Variants in PHKB observed in about 807,000 individuals in gnomAD.
PHKB encodes phosphorylase b kinase regulatory subunit beta.
A neutral mutation model predicts 152.1 loss-of-function variants in PHKB; 122 were observed. That is an observed-to-expected ratio of 0.80 (90% confidence interval 0.69 to 0.93). PHKB has a LOEUF of 0.93. Ranked by LOEUF, PHKB falls within the 40% of genes least tolerant of loss-of-function variation. The pLI is 0.00. For missense variants in PHKB, 1,304 were observed against 1,328.4 expected (o/e 0.98, Z 0.29); for synonymous variants, 436 against 464.9 (o/e 0.94, Z 0.80).
intron 16 of PHKB, among the ~76,000 whole-genome samples, chr16:47,646,569 T>TAAAAAAAAAAAAAAA (rs1973130387): frequency 9.5e-6 from 1 of 104,794 alleles, no homozygotes; most frequent in Non-Finnish European, 2.0e-5. Flanking sequence ...AATAAAAAAA[T>TAAAAAAAAAAAAAAA]AATAAAAAAA....
chr16:47,593,022 A>G (rs1364855204), intron 10 of PHKB, among the ~76,000 whole-genome samples: 3 of 150,512 alleles, frequency 2.0e-5, no homozygotes, highest in Admixed American at 2.0e-4. Flanking sequence ...AGGCCAAGAT[A>G]AGAGGATCTC....
chr16:47,574,954 C>G (rs1348561110), intron 7 of PHKB, among the ~76,000 whole-genome samples: 2 of 152,180 alleles, frequency 1.3e-5, no homozygotes, highest in Non-Finnish European at 2.9e-5. Flanking sequence ...CATAGAACTT[C>G]CAGTACTATG....
intron 26 of PHKB, among the ~76,000 whole-genome samples, chr16:47,686,770 A>C (rs984309924): frequency 1.0e-3 from 155 of 152,214 alleles, no homozygotes; most frequent in Non-Finnish European, 2.0e-3. Context: ...ATAGTATACT[A>C]TGAAGCAAAT....
chr16:47,473,812 A>G (rs1452416583), intron 1 of PHKB, among the ~76,000 whole-genome samples: 1 of 152,218 alleles, frequency 6.6e-6, no homozygotes, highest in Non-Finnish European at 1.5e-5. Flanking sequence ...ACAGTGTTGG[A>G]TAATTAAATC....
At chr16:47,495,435 T>G (rs1259014175) in intron 1 of PHKB, among the ~76,000 whole-genome samples, 1 of 152,192 alleles carries the variant, frequency 6.6e-6, no homozygotes, top group Non-Finnish European at 1.5e-5. Context: ...CAGCTCTTGG[T>G]GATTTATGTT....
At chr16:47,464,493 G>C (rs1969632992) in intron 1 of PHKB, among the ~76,000 whole-genome samples, 2 of 152,150 alleles carry the variant, frequency 1.3e-5, no homozygotes, top group Non-Finnish European at 2.9e-5. Context: ...TGGCATCCTG[G>C]TGTAAGGGCT....
chr16:47,583,606 G>A (rs1226704739), intron 8 of PHKB, among the ~76,000 whole-genome samples: 1 of 152,058 alleles, frequency 6.6e-6, no homozygotes, highest in Non-Finnish European at 1.5e-5. Flanking sequence ...CTTCTTGGTG[G>A]CAACTCAAGA....
chr16:47,678,163 C>G (rs2142088973), intron 26 of PHKB, among the ~76,000 whole-genome samples: 1 of 152,098 alleles, frequency 6.6e-6, no homozygotes, highest in South Asian at 2.1e-4. Flanking sequence ...TTAATCCAGT[C>G]TATCATTGTT....
chr16:47,661,353 G>A (rs566941906), intron 22 of PHKB, among the ~76,000 whole-genome samples: 2 of 152,278 alleles, frequency 1.3e-5, no homozygotes, highest in South Asian at 4.1e-4. Flanking sequence ...GAATCAAGAA[G>A]GGAGTGGTTA....
chr16:47,570,427 T>A (rs1275266057), intron 7 of PHKB, among the ~76,000 whole-genome samples: 1 of 152,222 alleles, frequency 6.6e-6, no homozygotes, highest in African/African-American at 2.4e-5. Context: ...GATTCTTAGA[T>A]TTGGATGTTT....
At chr16:47,608,598 G>A (rs1972370368) in intron 13 of PHKB, among the ~76,000 whole-genome samples, 1 of 152,140 alleles carries the variant, frequency 6.6e-6, no homozygotes, top group African/African-American at 2.4e-5. Flanking sequence ...TGTAATCCCA[G>A]CTACTCAGGA....
chr16:47,700,162 A>G lies in PHKB; in HGVS notation c.*796A>G, dbSNP rs1187601114. On this transcript the variant is annotated 3_prime_UTR_variant, in exon 31 of 31. Transcript: ENST00000323584. ...TTAGGAGTTCAAGACCAGCCCAGCC[A>G]ACATGGTGAAAACCCTGTCTCTACT... The G allele has an allele frequency of 6.6e-6, 1 of 152,098 alleles. No individual in the cohort carries two copies. The highest frequency in any genetic ancestry group is 1.5e-5 in the Non-Finnish European group (1 of 68,074). The allele number at this position is 152,098 out of a possible 1,614,324, so 9.4% of individuals were successfully genotyped here.
rs187014955 is a variant in PHKB, at chr16:47,546,707, C to T, written c.595-726C>T. 8.5e-5 allele frequency among the ~76,000 whole-genome samples: 13 copies of T among 152,258 alleles called. No individual in the cohort carries two copies. The East Asian group carries it at 2.3e-3, about 27-fold the overall frequency. On this transcript the variant is annotated intron_variant, in intron 6 of 30. Transcript: ENST00000323584. ...GCCTTTTTTTCACCTATGCCATGCC[C>T]CCACAAGTGGAGTCTACAGAAGCAG... is the stretch of plus-strand genomic sequence containing the variant.
At chr16:47,565,651 C>T in intron 7 of PHKB, 1 of 1,181,550 alleles carries the variant, frequency 8.5e-7, no homozygotes, top group Non-Finnish European at 1.3e-6. Context: ...GACTCACTTC[C>T]TGTCCTCGAC....
At chr16:47,598,874 A>G (rs1462672363) in intron 13 of PHKB, 52 of 1,604,802 alleles carry the variant, frequency 3.2e-5, no homozygotes, top group Non-Finnish European at 4.1e-5. Flanking sequence ...TACTTTCTAT[A>G]TGCTGCATTT....
intron 13 of PHKB, 65 bp downstream of exon 13, chr16:47,596,596 C>T: frequency 6.8e-7 from 1 of 1,462,298 alleles, no homozygotes; most frequent in Non-Finnish European, 9.6e-7. Flanking sequence ...AATAAATATG[C>T]CTTTGCTGGT....
chr16:47,558,018 A>T (rs1376013690), intron 7 of PHKB, among the ~76,000 whole-genome samples: 1 of 151,572 alleles, frequency 6.6e-6, no homozygotes, highest in Non-Finnish European at 1.5e-5. Flanking sequence ...GATTAAGAAA[A>T]TGTGGCACAT....
At chr16:47,607,306 A>G (rs1260510712) in intron 13 of PHKB, among the ~76,000 whole-genome samples, 3 of 152,108 alleles carry the variant, frequency 2.0e-5, no homozygotes, top group Non-Finnish European at 4.4e-5. Context: ...CCTCATGCCC[A>G]GTAGTAGTCA....
chr16:47,628,457 G>A (rs542046516), intron 14 of PHKB, among the ~76,000 whole-genome samples: 81 of 152,192 alleles, frequency 5.3e-4, no homozygotes, highest in African/African-American at 1.7e-3. Flanking sequence ...GCGTGAACCC[G>A]GCAGGCAGAG....
Sources: gnomAD v4.1 joint callset for allele counts (sites outside exome capture counted in the v4.1 genomes callset) on GRCh38, gnomAD v4.1.1 for gene constraint, MANE v1.5 for transcripts, NCBI Gene and HGNC (gene_info 2026-07-23, HGNC 2026-07-21) for gene names.